Variants in MYO19 observed in about 807,000 individuals in gnomAD.
MYO19 encodes the protein unconventional myosin-XIX.
Under a neutral mutation model 129.2 loss-of-function variants are expected in MYO19, and 132 were observed. That is an observed-to-expected ratio of 1.02 (90% CI 0.89 to 1.18). MYO19 has a LOEUF of 1.18. Ranked by LOEUF, MYO19 falls within the 50% of genes most tolerant of loss-of-function variation. MYO19 has a pLI of 0.00. For missense variants in MYO19, 1,210 were observed against 1,216.7 expected (o/e 0.99, Z 0.08); for synonymous variants, 531 against 477.2 (o/e 1.11, Z -1.47).
rs2070935455 is a variant in MYO19, at chr17:36,496,023, C to A, written c.*228G>T. On this transcript the variant is annotated 3_prime_UTR_variant, in exon 26 of 26. Coordinates refer to ENST00000614623, the MANE Select transcript of MYO19 (RefSeq NM_001163735.2). ...AATGTGGCCCTGATGTTTCTTAACC[C>A]TGATTTGGTAACTACCAGCCCTGAC... 6.3e-6 allele frequency: 5 copies of A among 796,680 alleles called. No homozygotes were observed. Among genetic ancestry groups the A allele is most frequent in the Non-Finnish European group, 9.2e-6 (5 of 543,782 alleles). The allele number at this position is 796,680 out of a possible 1,614,324, so 49.4% of individuals were successfully genotyped here.
chr17:36,503,941 C>T lies in MYO19; in HGVS notation c.1976+9G>A, dbSNP rs201709384. On this transcript the variant is annotated intron_variant, in intron 20 of 25. Transcript: ENST00000614623. ...GGCCCTGCACTGTGCCGTGATCGAG[C>T]CCACTCACCGGATGGGGAAGCCAGC... 395 of 1,584,988 alleles carry T rather than the reference C, an allele frequency of 2.5e-4. No homozygotes were observed. The African/African-American group carries it at 5.0e-3, about 20-fold the overall frequency.
intron 11 of MYO19, chr17:36,512,832 A>G (rs950908834): frequency 2.4e-6 from 3 of 1,253,598 alleles, no homozygotes; most frequent in Admixed American, 5.0e-5. Flanking sequence ...GCAAAGACAG[A>G]AGGGAGGCCC....
At position 36,503,127 on chromosome 17, in the gene MYO19, C is replaced by T. The variant is rs199688601; in HGVS notation, c.2050G>A (p.Asp684Asn). The change falls in exon 21 of 26, where the codon GAC (aspartate) becomes AAC (asparagine). Residue 684 changes from aspartate (D) to asparagine (N), a missense_variant. Coordinates refer to ENST00000614623, the MANE Select transcript of MYO19 (RefSeq NM_001163735.2). Reference protein sequence around the residue: ...RLHPCTSSGPDSPYPAKGLPE... With the variant: ...RLHPCTSSGPNSPYPAKGLPE... ...AGCCCTTTGGCAGGATATGGGCTGTCGGGGCCAGAGGATGTGCAAGGATGA... is the reference window on the plus strand; with the variant it reads ...AGCCCTTTGGCAGGATATGGGCTGTTGGGGCCAGAGGATGTGCAAGGATGA... 76 of 1,613,080 alleles carry T rather than the reference C, an allele frequency of 4.7e-5. No individual in the cohort carries two copies. The highest frequency in any genetic ancestry group is 5.8e-5 in the Non-Finnish European group (68 of 1,179,138).
chr17:36,512,446 A>C (rs2072423942), intron 11 of MYO19, among the ~76,000 whole-genome samples: 2 of 149,910 alleles, frequency 1.3e-5, no homozygotes, highest in African/African-American at 2.4e-5. Context: ...CAGGGACCCC[A>C]CCCACCATTC....
Position 36,502,008 on chromosome 17 carries a change from GAAGA to G in MYO19, c.2081-777_2081-774del, listed in dbSNP as rs539271367. The G allele has an allele frequency of 1.4e-4, 21 of 153,104 alleles. No individual in the cohort carries two copies. In the East Asian group the frequency reaches 4.0e-3, roughly 29 times the overall value. The allele number at this position is 153,104 out of a possible 1,614,324, so 9.5% of individuals were successfully genotyped here. A position where few individuals can be genotyped will look rare whatever the true frequency, so the allele number is the denominator to read the frequency against. On this transcript the variant is annotated intron_variant, in intron 21 of 25. Coordinates refer to ENST00000614623, the MANE Select transcript of MYO19 (RefSeq NM_001163735.2). ...CAGGACAGCAAACCATGGAGAGGGA[GAAGA>G]AAGGAGAAAGGGTGAAAGGAAAGTG...
At chr17:36,538,627 TA>T (rs1249705379), upstream of MYO19, 54 of 1,546,144 alleles carry the variant, frequency 3.5e-5, no homozygotes, top group Non-Finnish European at 4.3e-5. Context: ...TCAGCAGGAG[TA>T]GGATATATAA....
chr17:36,508,200 T>G (rs989737236), intron 14 of MYO19: 1 of 294,930 alleles, frequency 3.4e-6, no homozygotes, highest in Admixed American at 4.7e-5. Context: ...AGGCCCATTT[T>G]TGAGTCTGAA....
chr17:36,513,835 G>A (rs947480549), intron 9 of MYO19, 110 bp from the exon 10 acceptor site: 2 of 912,530 alleles, frequency 2.2e-6, no homozygotes, highest in Non-Finnish European at 3.3e-6. Flanking sequence ...AACATCACAA[G>A]GCTCAGAGGT....
intron 11 of MYO19, chr17:36,512,665 T>G: frequency 7.8e-7 from 1 of 1,289,134 alleles, no homozygotes; most frequent in Non-Finnish European, 1.0e-6. Context: ...TACCTGGCAG[T>G]GTCTGAGCAG....
chr17:36,501,845 G>C (rs556663811), intron 21 of MYO19: 1 of 152,386 alleles, frequency 6.6e-6, no homozygotes, highest in African/African-American at 2.4e-5. Context: ...GGAGAGGTAG[G>C]ATTTACCTGA....
Position 36,505,400 on chromosome 17 carries a change from G to A in MYO19, c.1802C>T (p.Ser601Leu). ...VLTVVSKFKA[S>L]LEQLLQVLHS... ...TAGGACCTGCAGAAGCTGCTCCAGT[G>A]AGGCCTGCAGATGAGAGACCATGGG... Residue 601 changes from serine to leucine, a missense_variant, in exon 19 of 26, where the codon TCA (serine) becomes TTA (leucine). Ser to Leu is a moderately radical substitution (Grantham distance 145, BLOSUM62 -2). Transcript: ENST00000614623. 1.9e-6 allele frequency: 3 copies of A among 1,613,800 alleles called. No individual in the cohort carries two copies. The highest frequency in any genetic ancestry group is 2.5e-6 in the Non-Finnish European group (3 of 1,179,702).
At position 36,512,386 on chromosome 17, in the gene MYO19, T is replaced by A. The variant is rs1251040837; in HGVS notation, c.895-931A>T. Among the ~76,000 whole-genome samples the A allele has an allele frequency of 4.1e-5, 5 of 123,256 alleles. No individual in the cohort carries two copies. In the Admixed American group the frequency reaches 4.3e-4, roughly 11 times the overall value. The allele number at this position is 123,256 out of a possible 152,430, so 80.9% of individuals were successfully genotyped here. ...ACTGGGCAACTAGAGTAAAACTCCA[T>A]CTCAAAAAAAAAAAAAAAAAAGAAA... On this transcript the variant is annotated intron_variant, in intron 11 of 25. Coordinates refer to ENST00000614623, the MANE Select transcript of MYO19 (RefSeq NM_001163735.2).
intron 14 of MYO19, 172 bp from the exon 15 acceptor site, chr17:36,508,096 C>T: frequency 1.6e-6 from 1 of 608,158 alleles, no homozygotes; most frequent in Non-Finnish European, 2.6e-6. Context: ...TCCCCACCCT[C>T]CACCCAAGGT....
chr17:36,540,405 C>T (rs1437352998), intron 2 of MYO19, among the ~76,000 whole-genome samples: 1 of 145,616 alleles, frequency 6.9e-6, no homozygotes, highest in Admixed American at 7.0e-5. Context: ...GAGTCTTGCT[C>T]TGTCTCCCAG....
chr17:36,512,900 C>T (rs1051532672), intron 11 of MYO19: 30 of 1,029,048 alleles, frequency 2.9e-5, no homozygotes, highest in African/African-American at 5.1e-5. Flanking sequence ...TTCCAGAGGA[C>T]GACGGGGCAC....
In MYO19 at chr17:36,532,642, G is replaced by C; in HGVS notation, c.-104C>G. ...GGCTGGGGTATGGTTCCAACAAAGG[G>C]CTCAGTTCTGGAGGAATCTCAGACA... On this transcript the variant is annotated 5_prime_UTR_variant, in exon 3 of 26. Transcript: ENST00000614623. 7.3e-7 allele frequency: 1 copy of C among 1,372,240 alleles called. No individual in the cohort carries two copies. The highest frequency in any genetic ancestry group is 1.0e-6 in the Non-Finnish European group (1 of 985,112). 85.0% of individuals were successfully genotyped at this position (1,372,240 alleles called of 1,614,324 possible).
chr17:36,501,013 G>A, intron 22 of MYO19, 54 bp from the exon 23 acceptor site: 1 of 1,603,580 alleles, frequency 6.2e-7, no homozygotes, highest in Non-Finnish European at 8.5e-7. Context: ...GCCCCCTCCT[G>A]CTGAGGAGAG....
intron 2 of MYO19, among the ~76,000 whole-genome samples, chr17:36,540,780 C>T (rs2074193188): frequency 6.6e-6 from 1 of 152,212 alleles, no homozygotes; most frequent in Non-Finnish European, 1.5e-5. Flanking sequence ...ATTTAAATAA[C>T]ATTCTGTGGC....
chr17:36,532,530 C>A lies in MYO19; in HGVS notation c.9G>T (p.Gln3His), dbSNP rs902542863. 2.6e-6 allele frequency: 4 copies of A among 1,554,764 alleles called. No individual in the cohort carries two copies. The African/African-American group carries it at 5.5e-5, about 21-fold the overall frequency. Reference sequence around the variant, plus strand: ...TTATCTAAGGTTGAGGTTTTACCTGCTGGAGCATCCTCCTTCAAAGTGGTC... The same window carrying A: ...TTATCTAAGGTTGAGGTTTTACCTGATGGAGCATCCTCCTTCAAAGTGGTC... ML[Q>H]QVNGHNPGSD... is the part of the protein sequence containing the mutation. The change falls in exon 3 of 26, where the codon CAG (glutamine) becomes CAT (histidine). Residue 3 changes from glutamine (Q) to histidine (H), a missense_variant. By Grantham distance (24) the Gln-to-His change is conservative. Coordinates refer to ENST00000614623, the MANE Select transcript of MYO19 (RefSeq NM_001163735.2).
Sources: allele counts gnomAD v4.1 joint callset (sites outside exome capture counted in the v4.1 genomes callset), GRCh38; gene constraint gnomAD v4.1.1; transcripts MANE v1.5; gene names NCBI Gene and HGNC (gene_info 2026-07-23, HGNC 2026-07-21).